Variants in AGBL4 observed in about 807,000 individuals in gnomAD.
AGBL4 encodes the protein cytosolic carboxypeptidase 6.
A neutral mutation model predicts 66.4 loss-of-function variants in AGBL4; 58 were observed. The ratio of observed to expected loss-of-function variants is 0.87; its 90% CI spans 0.71 to 1.09. The LOEUF (loss-of-function observed/expected upper bound fraction) is 1.09, where lower values mean the gene tolerates loss of function less well. AGBL4 is among the 50% of genes least tolerant of loss of function. The pLI is 0.00. For synonymous variants in AGBL4, 234 were observed against 222.9 expected (o/e 1.05, Z -0.44); for missense variants, 579 against 631.0 (o/e 0.92, Z 0.88).
chr1:48,804,848 C>T (rs531646151), intron 6 of AGBL4, among the ~76,000 whole-genome samples: 2 of 152,262 alleles, frequency 1.3e-5, no homozygotes, highest in South Asian at 4.1e-4. Context: ...TCATAGGAAG[C>T]TCAGAAATTT....
intron 5 of AGBL4, among the ~76,000 whole-genome samples, chr1:48,899,483 G>A (rs1196501842): frequency 6.6e-6 from 1 of 151,402 alleles, no homozygotes; most frequent in African/African-American, 2.4e-5. Context: ...GAGAAATTGA[G>A]TGGAAATGCA....
intron 3 of AGBL4, among the ~76,000 whole-genome samples, chr1:49,395,472 C>G (rs1445624233): frequency 1.3e-5 from 2 of 149,916 alleles, no homozygotes; most frequent in African/African-American, 2.5e-5. Flanking sequence ...AAAAAATGAG[C>G]AGATAAAAGA....
At chr1:49,127,734 A>G (rs575538394) in intron 4 of AGBL4, among the ~76,000 whole-genome samples, 16 of 152,230 alleles carry the variant, frequency 1.1e-4, no homozygotes, top group African/African-American at 3.6e-4. Flanking sequence ...GAAAACTCCA[A>G]AAAAGCTAGG....
rs114574500 is a variant in AGBL4 at position 48,651,260 on chromosome 1, G to A, written c.839+2077C>T. Among the ~76,000 whole-genome samples, 822 of 152,122 alleles carry A rather than the reference G, an allele frequency of 5.4e-3. 8 individuals carry two copies. Among genetic ancestry groups the A allele is most frequent in the African/African-American group, 0.019 (789 of 41,498 alleles). ...CTGAGGGTTGGAAATCTTTTATCAC[G>A]GAGTCCTCAAATCACAAAATCTCTG... On this transcript the variant is annotated intron_variant, in intron 8 of 13. Transcript: ENST00000371839.
intron 1 of AGBL4, among the ~76,000 whole-genome samples, chr1:49,852,153 T>A (rs986141479): frequency 3.9e-5 from 6 of 152,046 alleles, no homozygotes; most frequent in Non-Finnish European, 8.8e-5. Context: ...AATATCTCAA[T>A]TAAGTACAAA....
intron 1 of AGBL4, among the ~76,000 whole-genome samples, chr1:49,917,644 A>C (rs975706652): frequency 6.6e-6 from 1 of 152,182 alleles, no homozygotes; most frequent in Non-Finnish European, 1.5e-5. Flanking sequence ...GGGAGACTTT[A>C]ACACCCCACT....
At chr1:48,953,171 T>G (rs996135093) in intron 5 of AGBL4, among the ~76,000 whole-genome samples, 1 of 152,144 alleles carries the variant, frequency 6.6e-6, no homozygotes, top group Non-Finnish European at 1.5e-5. Flanking sequence ...GCTCACACAA[T>G]GAGCTGAAGG....
At chr1:49,623,213 C>T (rs960695733) in intron 3 of AGBL4, among the ~76,000 whole-genome samples, 1 of 152,112 alleles carries the variant, frequency 6.6e-6, no homozygotes, top group Admixed American at 6.5e-5. Context: ...TGGAATTGCC[C>T]GAAGTGAGAA....
At chr1:48,589,712 T>C (rs1379386180) in intron 10 of AGBL4, among the ~76,000 whole-genome samples, 1 of 152,234 alleles carries the variant, frequency 6.6e-6, no homozygotes, top group African/African-American at 2.4e-5. Flanking sequence ...TATCAAAAAC[T>C]GCATTTGCCC....
intron 3 of AGBL4, among the ~76,000 whole-genome samples, chr1:49,605,485 A>G (rs1645047155): frequency 6.6e-6 from 1 of 152,182 alleles, no homozygotes; most frequent in African/African-American, 2.4e-5. Context: ...CATTTAATTA[A>G]GGAAAACATT....
chr1:48,930,121 C>T (rs1654916282), intron 5 of AGBL4, among the ~76,000 whole-genome samples: 1 of 152,050 alleles, frequency 6.6e-6, no homozygotes, highest in African/African-American at 2.4e-5. Flanking sequence ...CCCCTTTTAC[C>T]TAGCTTGCTG....
chr1:49,885,994 T>A (rs1342362810), intron 1 of AGBL4, among the ~76,000 whole-genome samples: 1 of 152,184 alleles, frequency 6.6e-6, no homozygotes, highest in East Asian at 1.9e-4. Flanking sequence ...TCTATTTTCA[T>A]CGCACAGTTG....
chr1:49,855,755 C>T (rs1231992003), intron 1 of AGBL4, among the ~76,000 whole-genome samples: 3 of 152,008 alleles, frequency 2.0e-5, no homozygotes, highest in African/African-American at 7.2e-5. Flanking sequence ...AAAGCAAAAG[C>T]AGTGCTAAGG....
chr1:49,786,899 G>C (rs1021431395), intron 2 of AGBL4, among the ~76,000 whole-genome samples: 3 of 152,070 alleles, frequency 2.0e-5, no homozygotes, highest in Admixed American at 1.3e-4. Flanking sequence ...TGGCAGTGTT[G>C]GTAAATTTTC....
intron 3 of AGBL4, among the ~76,000 whole-genome samples, chr1:49,540,642 A>AT (rs2148823790): frequency 1.3e-5 from 2 of 152,318 alleles, no homozygotes; most frequent in African/African-American, 4.8e-5. Context: ...GGGTTATAGA[A>AT]AATATATATA....
At chr1:49,934,490 T>G (rs1299475688) in intron 1 of AGBL4, among the ~76,000 whole-genome samples, 1 of 152,012 alleles carries the variant, frequency 6.6e-6, no homozygotes, top group Non-Finnish European at 1.5e-5. Context: ...AAACTAGGAA[T>G]CAATAACAGG....
At chr1:49,260,558 A>T (rs1253875164) in intron 3 of AGBL4, among the ~76,000 whole-genome samples, 1 of 152,204 alleles carries the variant, frequency 6.6e-6, no homozygotes, top group African/African-American at 2.4e-5. Flanking sequence ...GAAAATCTAG[A>T]AGAAATGGAT....
At chr1:49,257,118 A>T (rs550453672) in intron 3 of AGBL4, among the ~76,000 whole-genome samples, 3 of 152,296 alleles carry the variant, frequency 2.0e-5, no homozygotes, top group Non-Finnish European at 4.4e-5. Flanking sequence ...ACAAAAAAAA[A>T]TACTATGCAA....
chr1:48,552,861 C>G (rs1644269314), intron 11 of AGBL4, among the ~76,000 whole-genome samples: 1 of 151,638 alleles, frequency 6.6e-6, no homozygotes, highest in Admixed American at 6.6e-5. Flanking sequence ...AGAGGGATAC[C>G]ACTCACAGGC....
Sources: allele counts gnomAD v4.1 joint callset (sites outside exome capture counted in the v4.1 genomes callset), GRCh38; gene constraint gnomAD v4.1.1; transcripts MANE v1.5; gene names NCBI Gene and HGNC (gene_info 2026-07-23, HGNC 2026-07-21).